Variants in TOX2 observed in about 807,000 individuals in gnomAD.
The protein encoded by TOX2 is granulosa cell HMG box 1.
A neutral mutation model predicts 47.4 loss-of-function variants in TOX2; 15 were observed. The observed-to-expected ratio is 0.32, with a 90% CI of 0.21 to 0.49. The LOEUF is 0.49. TOX2 is among the 20% of genes least tolerant of loss of function. TOX2 has a pLI of 0.99. For missense variants in TOX2, 622 were observed against 673.1 expected, an observed-to-expected ratio of 0.92 and a Z score of 0.84; for synonymous variants, 290 against 296.6, an observed-to-expected ratio of 0.98 and a Z score of 0.23.
rs1028103409 is a variant in TOX2, at chr20:43,922,326, C to T, written c.99+7336C>T. On this transcript the variant is annotated intron_variant, in intron 1 of 8. Transcript: ENST00000341197. ...CCTACCTAGTAGATGCCAAGAGCAT[C>T]ACCCTGCCCCCAGTCGTGACAACAA... Among the ~76,000 whole-genome samples, 3 of 152,210 alleles carry T rather than the reference C, an allele frequency of 2.0e-5. No homozygotes were observed. In the South Asian group the frequency reaches 6.2e-4, roughly 32 times the overall value.
intron 3 of TOX2, among the ~76,000 whole-genome samples, chr20:44,022,671 T>A (rs1259915386): frequency 6.6e-6 from 1 of 152,224 alleles, no homozygotes; most frequent in African/African-American, 2.4e-5. Context: ...CCCTGTGGCA[T>A]GTTCCATGCC....
chr20:43,994,695 C>T (rs558335794), intron 2 of TOX2, among the ~76,000 whole-genome samples: 4 of 152,128 alleles, frequency 2.6e-5, no homozygotes, highest in African/African-American at 9.7e-5. Flanking sequence ...CGTCCCTGCC[C>T]GGTGAATCAC....
At chr20:44,021,792 C>T (rs1023650026) in intron 3 of TOX2, among the ~76,000 whole-genome samples, 1 of 128,900 alleles carries the variant, frequency 7.8e-6, no homozygotes. Context: ...CCATGTCTGG[C>T]TAATTTTTGA....
intron 1 of TOX2, among the ~76,000 whole-genome samples, chr20:43,921,431 C>G (rs1437264249): frequency 1.3e-5 from 2 of 152,220 alleles, no homozygotes; most frequent in Admixed American, 1.3e-4. Flanking sequence ...GTTATTTAAC[C>G]TCCCTGGACT....
chr20:44,007,973 CT>C (rs1271406262), intron 3 of TOX2, among the ~76,000 whole-genome samples: 3 of 152,108 alleles, frequency 2.0e-5, no homozygotes, highest in Non-Finnish European at 4.4e-5. Context: ...TTGTATCTTG[CT>C]TAAGCTGCCA....
At chr20:43,989,808 A>G (rs2070337249) in intron 2 of TOX2, among the ~76,000 whole-genome samples, 1 of 151,266 alleles carries the variant, frequency 6.6e-6, no homozygotes, top group Non-Finnish European at 1.5e-5. Context: ...CCCACCCAGC[A>G]TATATTAATC....
At chr20:44,006,442 C>G in intron 2 of TOX2, 105 bp from the exon 3 acceptor site, 3 of 1,503,912 alleles carry the variant, frequency 2.0e-6, no homozygotes, top group African/African-American at 1.4e-5. Flanking sequence ...TCTCCTTTGC[C>G]AAGGGGTTGC....
At chr20:43,938,079 C>A (rs1424125775) in intron 1 of TOX2, among the ~76,000 whole-genome samples, 1 of 152,190 alleles carries the variant, frequency 6.6e-6, no homozygotes, top group African/African-American at 2.4e-5. Context: ...ACCTCAGCAC[C>A]TTCAGTCTAA....
chr20:43,916,261 CT>C lies in TOX2; in HGVS notation c.99+1272del, dbSNP rs532330415. 5.8e-4 allele frequency: 569 copies of C among 980,880 alleles called. 2 individuals carry two copies. In the African/African-American group the frequency reaches 9.4e-3, roughly 16 times the overall value. The allele number at this position is 980,880 out of a possible 1,614,324, so 60.8% of individuals were successfully genotyped here. A position where few individuals can be genotyped will look rare whatever the true frequency, so the allele number is the denominator to read the frequency against. On this transcript the variant is annotated intron_variant, in intron 1 of 8. Transcript: ENST00000341197. This position sits in a 1 kb window ranked among gnomAD's most constrained non-coding sequence, Gnocchi z 5.0. ...GCGCCCCCCAGGGTCTCTCCCCAAC[CT>C]CGCAGGCTTTTCGTCAGGCCCCTGG...
intron 1 of TOX2, among the ~76,000 whole-genome samples, chr20:43,946,295 A>ATCAT (rs111479360): frequency 0.04 from 6,027 of 151,992 alleles, 365 homozygotes; most frequent in African/African-American, 0.13. Context: ...GCTGCTCAGG[A>ATCAT]TCATTCATTC....
At chr20:43,919,952 T>C (rs750826594) in intron 1 of TOX2, among the ~76,000 whole-genome samples, 2 of 152,204 alleles carry the variant, frequency 1.3e-5, no homozygotes, top group Non-Finnish European at 2.9e-5. Context: ...ATTCCGTGTC[T>C]TTTGTCTGGC....
intron 1 of TOX2, among the ~76,000 whole-genome samples, chr20:43,948,625 G>A (rs1381379301): frequency 6.6e-6 from 1 of 152,070 alleles, no homozygotes; most frequent in Non-Finnish European, 1.5e-5. Context: ...GAGGCCCCGG[G>A]CCTGCTGGGG....
chr20:44,018,988 A>G (rs1478490174), intron 3 of TOX2, among the ~76,000 whole-genome samples: 1 of 152,038 alleles, frequency 6.6e-6, no homozygotes, highest in African/African-American at 2.4e-5. Context: ...GATGCTGTCT[A>G]CTCCACAGAG....
At position 44,020,148 on chromosome 20, in the gene TOX2, C is replaced by T. The variant is rs553466248; in HGVS notation, c.411+13356C>T. Among the ~76,000 whole-genome samples, 11 of 152,294 alleles carry T rather than the reference C, an allele frequency of 7.2e-5. No homozygotes were observed. In the South Asian group the frequency reaches 1.0e-3, roughly 14 times the overall value. On this transcript the variant is annotated intron_variant, in intron 3 of 8. Transcript: ENST00000341197. ...AGACATTAGAGATGCTATCTGGAGCCGCGCTAGAGGGAGGTCTGCCTGGTC... is the reference window on the plus strand; with the variant it reads ...AGACATTAGAGATGCTATCTGGAGCTGCGCTAGAGGGAGGTCTGCCTGGTC...
At chr20:43,926,668 T>C (rs983271848) in intron 1 of TOX2, among the ~76,000 whole-genome samples, 4 of 152,192 alleles carry the variant, frequency 2.6e-5, no homozygotes, top group Admixed American at 1.3e-4. Flanking sequence ...CTTGTTCCCA[T>C]TGGGGCTGTC....
intron 3 of TOX2, among the ~76,000 whole-genome samples, chr20:44,034,191 C>T (rs994550938): frequency 1.3e-5 from 2 of 152,192 alleles, no homozygotes; most frequent in African/African-American, 4.8e-5. Flanking sequence ...GCTCCTGGTA[C>T]ACCCTCTGCA....
At chr20:44,057,594 A>C (rs2071643727) in intron 5 of TOX2, among the ~76,000 whole-genome samples, 2 of 152,238 alleles carry the variant, frequency 1.3e-5, no homozygotes, top group Admixed American at 1.3e-4. Context: ...AAGACTTAGA[A>C]AAATAAGAAA....
At chr20:44,059,305 C>A (rs1445221161) in intron 5 of TOX2, among the ~76,000 whole-genome samples, 1 of 152,240 alleles carries the variant, frequency 6.6e-6, no homozygotes, top group Non-Finnish European at 1.5e-5. Flanking sequence ...TTCAAATTAA[C>A]CCAATTCAAC....
intron 1 of TOX2, among the ~76,000 whole-genome samples, chr20:43,955,459 GGCA>G (rs2069651323): frequency 2.6e-5 from 4 of 152,174 alleles, no homozygotes; most frequent in Admixed American, 1.3e-4. Context: ...TAAAGCTTAG[GGCA>G]GGGTGAGCCG....
Sources: gnomAD v4.1 joint callset for allele counts (sites outside exome capture counted in the v4.1 genomes callset) on GRCh38, gnomAD v4.1.1 for gene constraint, Gnocchi (gnomAD v3.1) non-coding constraint, MANE v1.5 for transcripts, NCBI Gene and HGNC (gene_info 2026-07-23, HGNC 2026-07-21) for gene names.